Variants in EYA1 observed in about 807,000 individuals in gnomAD.
The protein encoded by EYA1 is EYA transcriptional coactivator and phosphatase 1.
A neutral mutation model predicts 82.0 loss-of-function variants in EYA1; 16 were observed. The ratio of observed to expected loss-of-function variants is 0.20; its 90% CI spans 0.13 to 0.30. The LOEUF is 0.30. EYA1 is among the 10% of genes least tolerant of loss of function. The probability of loss-of-function intolerance (pLI) is 1.00; values close to 1 mark genes in which losing one functional copy is unlikely to be tolerated. For missense variants in EYA1, 633 were observed against 730.7 expected (o/e 0.87, Z 1.54); for synonymous variants, 261 against 264.4 (o/e 0.99, Z 0.12).
At chr8:71,307,032 G>A (rs1820806228) in intron 7 of EYA1, among the ~76,000 whole-genome samples, 1 of 152,152 alleles carries the variant, frequency 6.6e-6, no homozygotes, top group African/African-American at 2.4e-5. Context: ...GTGACTAAAG[G>A]ATTTAGTGAG....
chr8:71,243,374 T>C (rs546501231), intron 12 of EYA1, among the ~76,000 whole-genome samples: 1 of 152,284 alleles, frequency 6.6e-6, no homozygotes, highest in South Asian at 2.1e-4. Flanking sequence ...CTAAAGGCAA[T>C]TAATTCTAAA....
intron 13 of EYA1, 34 bp from the exon 14 acceptor site, chr8:71,216,886 G>C (rs376100724): frequency 5.0e-6 from 8 of 1,613,408 alleles, no homozygotes; most frequent in Non-Finnish European, 6.8e-6. Context: ...AAAGTTAGCC[G>C]AACAGAAAGT....
At chr8:71,346,079 C>G (rs1304864502) in intron 3 of EYA1, among the ~76,000 whole-genome samples, 3 of 151,996 alleles carry the variant, frequency 2.0e-5, no homozygotes, top group Non-Finnish European at 4.4e-5. Flanking sequence ...AGCTATAAAG[C>G]TCAAGCTCTC....
intron 2 of EYA1, among the ~76,000 whole-genome samples, chr8:71,394,389 T>G (rs1829461408): frequency 6.6e-6 from 1 of 152,198 alleles, no homozygotes; most frequent in African/African-American, 2.4e-5. Context: ...TGAATGGTAT[T>G]GCCTCGGTTT....
intron 2 of EYA1, among the ~76,000 whole-genome samples, chr8:71,437,582 G>T (rs558609263): frequency 8.6e-5 from 13 of 152,040 alleles, no homozygotes; most frequent in African/African-American, 2.7e-4. Flanking sequence ...CTTTTTAAAA[G>T]AAATTTAACG....
Position 71,212,118 on chromosome 8 carries a change from T to C in EYA1, c.1598-862A>G, listed in dbSNP as rs1203031331. Among the ~76,000 whole-genome samples, 17 of 152,216 alleles carry C rather than the reference T, an allele frequency of 1.1e-4. 1 individual carries two copies. The highest frequency in any genetic ancestry group is 8.5e-4 in the Admixed American group (13 of 15,280). On this transcript the variant is annotated intron_variant, in intron 16 of 17. Coordinates refer to ENST00000340726, the MANE Select transcript of EYA1 (RefSeq NM_000503.6). ...TCTTGGACTGCCAATAGGGTCATTT[T>C]AATGGACAATGGGACAGTTTATAGT...
intron 16 of EYA1, among the ~76,000 whole-genome samples, chr8:71,213,607 C>T (rs945086476): frequency 6.6e-6 from 1 of 152,140 alleles, no homozygotes; most frequent in Non-Finnish European, 1.5e-5. Context: ...TTGTTCTTGG[C>T]CCTTCTTGGG....
chr8:71,422,858 A>G (rs368693790), intron 2 of EYA1, among the ~76,000 whole-genome samples: 1 of 152,270 alleles, frequency 6.6e-6, no homozygotes, highest in South Asian at 2.1e-4. Context: ...CCCACAACAC[A>G]TGGGGATTAT....
intron 12 of EYA1, among the ~76,000 whole-genome samples, chr8:71,241,390 A>G (rs1400213492): frequency 1.3e-5 from 2 of 152,216 alleles, no homozygotes; most frequent in South Asian, 2.1e-4. Flanking sequence ...AATTTTCTAA[A>G]TCATATCCTA....
chr8:71,346,434 A>ATATATAATATATG (rs1302192223), intron 3 of EYA1, among the ~76,000 whole-genome samples: 4 of 129,558 alleles, frequency 3.1e-5, no homozygotes, highest in African/African-American at 9.9e-5. Flanking sequence ...TGCAGTGAAT[A>ATATATAATATATG]TATATATATA....
At chr8:71,394,560 A>G (rs1043596132) in intron 2 of EYA1, among the ~76,000 whole-genome samples, 1 of 152,084 alleles carries the variant, frequency 6.6e-6, no homozygotes, top group Non-Finnish European at 1.5e-5. Flanking sequence ...TCATTTCCCT[A>G]TTTCTTGTTT....
intron 7 of EYA1, among the ~76,000 whole-genome samples, chr8:71,314,699 G>A (rs530603927): frequency 1.3e-5 from 2 of 152,272 alleles, no homozygotes; most frequent in East Asian, 3.9e-4. Flanking sequence ...TACTCAACCT[G>A]TATATCCAAT....
chr8:71,316,842 A>G (rs528616281), intron 7 of EYA1, among the ~76,000 whole-genome samples: 173 of 152,340 alleles, frequency 1.1e-3, no homozygotes, highest in African/African-American at 3.8e-3. Context: ...AACTATTCTC[A>G]AGCACTTTAA....
intron 2 of EYA1, among the ~76,000 whole-genome samples, chr8:71,415,127 AAAG>A (rs761043011): frequency 6.6e-6 from 1 of 152,164 alleles, no homozygotes; most frequent in Non-Finnish European, 1.5e-5. Context: ...CCGGCAATAT[AAAG>A]GAAACTGAGG....
intron 2 of EYA1, among the ~76,000 whole-genome samples, chr8:71,416,720 A>G (rs879492090): frequency 1.3e-5 from 2 of 152,200 alleles, no homozygotes; most frequent in African/African-American, 2.4e-5. Context: ...TGTTAGAAAT[A>G]TAGACTCTCA....
At chr8:71,347,713 G>A (rs1469499842) in intron 3 of EYA1, among the ~76,000 whole-genome samples, 3 of 151,910 alleles carry the variant, frequency 2.0e-5, no homozygotes, top group Non-Finnish European at 4.4e-5. Context: ...CCCCTTATTA[G>A]TAATAAATAC....
chr8:71,279,880 A>C (rs1334860732), intron 9 of EYA1, among the ~76,000 whole-genome samples: 1 of 152,170 alleles, frequency 6.6e-6, no homozygotes, highest in Non-Finnish European at 1.5e-5. Context: ...TATACCCTAG[A>C]GCAAGGCTCG....
chr8:71,459,681 T>C (rs547764519), intron 2 of EYA1, among the ~76,000 whole-genome samples: 16 of 152,238 alleles, frequency 1.1e-4, no homozygotes, highest in Middle Eastern at 3.4e-3. Context: ...TTATGTTAAA[T>C]CTTATACTGT....
intron 2 of EYA1, among the ~76,000 whole-genome samples, chr8:71,373,260 T>A: frequency 6.6e-6 from 1 of 152,092 alleles, no homozygotes; most frequent in East Asian, 1.9e-4. Context: ...CCACAAAAAA[T>A]GTTAGAACTA....
Sources: allele counts gnomAD v4.1 joint callset (sites outside exome capture counted in the v4.1 genomes callset), GRCh38; gene constraint gnomAD v4.1.1; transcripts MANE v1.5; gene names NCBI Gene and HGNC (gene_info 2026-07-23, HGNC 2026-07-21).